SLC26A5: variants seen among roughly 807,000 people sequenced by gnomAD.
The protein encoded by SLC26A5 is prestin.
SLC26A5 carries 51 observed loss-of-function variants against 81.0 expected under a neutral mutation model. The ratio of observed to expected loss-of-function variants is 0.63; its 90% confidence interval spans 0.50 to 0.80. The LOEUF (loss-of-function observed/expected upper bound fraction) is 0.80, where lower values mean the gene tolerates loss of function less well. Among genes scored for constraint, SLC26A5 ranks in the 30% least tolerant of loss-of-function variants. The pLI, the probability that SLC26A5 is intolerant of heterozygous loss-of-function variation, is 0.00. For missense variants in SLC26A5, 771 were observed against 905.8 expected (o/e 0.85, Z 1.91); for synonymous variants, 325 against 332.8 (o/e 0.98, Z 0.25).
chr7:103,386,892 G>T (rs1401063714), intron 14 of SLC26A5, among the ~76,000 whole-genome samples: 1 of 151,976 alleles, frequency 6.6e-6, no homozygotes, highest in Non-Finnish European at 1.5e-5. Flanking sequence ...CTCCTGAGTA[G>T]CTGGGATTAC....
rs758047833 is a variant in SLC26A5, at chr7:103,391,581, C to T, written c.1233+41G>A. Reference sequence around the variant, plus strand: ...AATCAAAAGATTAAAATTTAATTACCACCCATATCATCAGGTCTTAGAGGC... The same window carrying T: ...AATCAAAAGATTAAAATTTAATTACTACCCATATCATCAGGTCTTAGAGGC... On this transcript the variant is annotated intron_variant, in intron 11 of 19. Coordinates refer to ENST00000306312, the MANE Select transcript of SLC26A5 (RefSeq NM_198999.3). 5.4e-6 allele frequency: 8 copies of T among 1,482,200 alleles called. No individual in the cohort carries two copies. The Admixed American group carries it at 1.3e-4, about 25-fold the overall frequency. 91.8% of individuals were successfully genotyped at this position (1,482,200 alleles called of 1,614,324 possible).
rs144150940 is a variant in SLC26A5, at chr7:103,377,736, G to T, written c.1849C>A (p.Pro617Thr). ...PEEEDGEVKY[P>T]PIVIKSTFPE... ...AATGTGCTTTTGATCACTATTGGGG[G>T]ATATTTTACTTCACCATCCTCTTCT... is the stretch of plus-strand genomic sequence containing the variant. Residue 617 changes from proline to threonine, a missense_variant, in exon 18 of 20, where the codon CCC (proline) becomes ACC (threonine). By Grantham distance (38) the Pro-to-Thr change is conservative (BLOSUM62 -1). Coordinates refer to ENST00000306312, the MANE Select transcript of SLC26A5 (RefSeq NM_198999.3). The T allele has an allele frequency of 1.2e-6, 2 of 1,613,914 alleles. No homozygotes were observed. Among genetic ancestry groups the T allele is most frequent in the African/African-American group, 2.7e-5 (2 of 74,906 alleles).
At chr7:103,441,322 G>A (rs1279205049) in intron 2 of SLC26A5, among the ~76,000 whole-genome samples, 2 of 152,114 alleles carry the variant, frequency 1.3e-5, no homozygotes, top group East Asian at 3.9e-4. Flanking sequence ...GAAGAGTAGG[G>A]TAAACAAATA....
chr7:103,385,935 C>CTT (rs1338061515), intron 14 of SLC26A5, among the ~76,000 whole-genome samples: 12 of 139,166 alleles, frequency 8.6e-5, no homozygotes, highest in African/African-American at 2.4e-4. Flanking sequence ...TTCTTTCTTT[C>CTT]TTTTTTTTTT....
intron 19 of SLC26A5, among the ~76,000 whole-genome samples, chr7:103,365,288 G>A (rs1820651722): frequency 6.6e-6 from 1 of 152,060 alleles, no homozygotes; most frequent in Non-Finnish European, 1.5e-5. Flanking sequence ...TTTTAAGGCT[G>A]GCAAGATTAA....
intron 2 of SLC26A5, among the ~76,000 whole-genome samples, chr7:103,426,579 G>T (rs1186629963): frequency 6.6e-6 from 1 of 152,314 alleles, no homozygotes; most frequent in East Asian, 1.9e-4. Context: ...ATATTTTTGA[G>T]ATACTGGCAC....
downstream of SLC26A5, among the ~76,000 whole-genome samples, chr7:103,373,065 C>T (rs573228610): frequency 4.6e-5 from 7 of 152,098 alleles, no homozygotes; most frequent in East Asian, 1.9e-4. Flanking sequence ...AACTAACAAA[C>T]GGAGAAGAAA....
intron 9 of SLC26A5, among the ~76,000 whole-genome samples, chr7:103,394,010 T>C (rs1393635221): frequency 6.6e-6 from 1 of 152,324 alleles, no homozygotes; most frequent in Non-Finnish European, 1.5e-5. Flanking sequence ...TAATTCCCAT[T>C]TTACAGATGA....
At chr7:103,434,808 C>T (rs2079471) in intron 2 of SLC26A5, among the ~76,000 whole-genome samples, 2,390 of 152,012 alleles carry the variant, frequency 0.016, 59 homozygotes, top group African/African-American at 0.055. Flanking sequence ...TGCGCCACCA[C>T]GCCCAGCCAA....
chr7:103,407,271 G>T (rs1394102007), intron 8 of SLC26A5, among the ~76,000 whole-genome samples: 1 of 152,186 alleles, frequency 6.6e-6, no homozygotes, highest in Non-Finnish European at 1.5e-5. Flanking sequence ...GATCTAAGCA[G>T]TTCCCATCAG....
At chr7:103,429,847 T>C (rs958370185) in intron 2 of SLC26A5, among the ~76,000 whole-genome samples, 1 of 152,212 alleles carries the variant, frequency 6.6e-6, no homozygotes, top group African/African-American at 2.4e-5. Flanking sequence ...GGGGCCAAGG[T>C]TGCCATAGCA....
At chr7:103,355,589 C>A in intron 19 of SLC26A5, 1 of 832,682 alleles carries the variant, frequency 1.2e-6, no homozygotes, top group Non-Finnish European at 2.0e-6. Context: ...ATAGTCCTCA[C>A]AATGAATGAT....
Position 103,367,720 on chromosome 7 carries a change from C to T in SLC26A5, c.2041+9088G>A. The T allele has an allele frequency of 3.7e-6, 6 of 1,613,046 alleles. No homozygotes were observed. The highest frequency in any genetic ancestry group is 5.1e-6 in the Non-Finnish European group (6 of 1,179,684). ...CAATTTTCTCATTTTTAGGGTCGGA[C>T]CCACATATTTAAGATTCACGCTCGT... On this transcript the variant is annotated intron_variant, in intron 19 of 19. Transcript: ENST00000339444. The surrounding 1 kb of genome is among the most constrained non-coding windows in gnomAD (Gnocchi z 6.1).
rs1205085173 is a variant in SLC26A5, at chr7:103,443,681, A to AC, written c.-182-471dup. 2.6e-5 allele frequency among the ~76,000 whole-genome samples: 4 copies of AC among 152,376 alleles called. No homozygotes were observed. The East Asian group carries it at 7.7e-4, about 29-fold the overall frequency. On this transcript the variant is annotated intron_variant, in intron 1 of 19. Coordinates refer to ENST00000306312, the MANE Select transcript of SLC26A5 (RefSeq NM_198999.3). ...CTGTCTTCAGTCTTTTACAAAGAAT[A>AC]CAATTATTCCTTCCCATTCACAGAA...
intron 2 of SLC26A5, among the ~76,000 whole-genome samples, chr7:103,440,216 T>C (rs6950571): frequency 6.6e-6 from 1 of 151,952 alleles, no homozygotes; most frequent in South Asian, 2.1e-4. Flanking sequence ...AGGAAGGAAA[T>C]AATAAAGCAA....
chr7:103,365,256 G>A (rs923016889), intron 19 of SLC26A5, among the ~76,000 whole-genome samples: 36 of 152,182 alleles, frequency 2.4e-4, no homozygotes, highest in African/African-American at 8.4e-4. Flanking sequence ...AATAGATACA[G>A]AATCATGAAA....
chr7:103,367,985 A>G lies in SLC26A5; in HGVS notation c.2041+8823T>C. 6.2e-7 allele frequency: 1 copy of G among 1,614,148 alleles called. No homozygotes were observed. Among genetic ancestry groups the G allele is most frequent in the Non-Finnish European group, 8.5e-7 (1 of 1,180,008 alleles). ...TTGCTACCGAGAAGGATTTCTTGGA[A>G]GCTGTAAATAAGGTCATTAAGTCTT... On this transcript the variant is annotated intron_variant, in intron 19 of 19. Coordinates refer to the SLC26A5 transcript ENST00000339444. The surrounding 1 kb of genome is among the most constrained non-coding windows in gnomAD (Gnocchi z 6.1).
chr7:103,375,852 T>C (rs1301830053), intron 19 of SLC26A5, among the ~76,000 whole-genome samples: 1 of 151,896 alleles, frequency 6.6e-6, no homozygotes, highest in Admixed American at 6.6e-5. Flanking sequence ...GCCTCCTGGG[T>C]TCAAGCGATT....
intron 19 of SLC26A5, among the ~76,000 whole-genome samples, chr7:103,357,580 C>T (rs1162690457): frequency 6.6e-6 from 1 of 152,106 alleles, no homozygotes; most frequent in African/African-American, 2.4e-5. Context: ...CTGCCTTCAC[C>T]TTGAAGGCAC....
Sources: gnomAD v4.1 joint callset for allele counts (sites outside exome capture counted in the v4.1 genomes callset) on GRCh38, gnomAD v4.1.1 for gene constraint, Gnocchi (gnomAD v3.1) non-coding constraint, MANE v1.5 for transcripts, NCBI Gene and HGNC (gene_info 2026-07-23, HGNC 2026-07-21) for gene names.